ADGRD1: variants seen among roughly 807,000 people sequenced by gnomAD.
ADGRD1 encodes adhesion G protein-coupled receptor D1.
Under a neutral mutation model 113.4 loss-of-function variants are expected in ADGRD1, and 77 were observed. That is an observed-to-expected ratio of 0.68 (90% confidence interval 0.57 to 0.82). The LOEUF (loss-of-function observed/expected upper bound fraction) is 0.82. Ranked by LOEUF, ADGRD1 falls within the 40% of genes least tolerant of loss-of-function variation. The pLI is 0.00. For missense variants in ADGRD1, 1,036 were observed against 1,139.1 expected, an observed-to-expected ratio of 0.91 and a Z score of 1.30; for synonymous variants, 474 against 475.0, an observed-to-expected ratio of 1.00 and a Z score of 0.03.
At chr12:131,092,937 T>C (rs1887012224) in intron 15 of ADGRD1, among the ~76,000 whole-genome samples, 1 of 151,606 alleles carries the variant, frequency 6.6e-6, no homozygotes, top group Non-Finnish European at 1.5e-5. Context: ...ACGCTGGGCT[T>C]CCCCCTCTGG....
chr12:130,958,940 G>A lies in ADGRD1; in HGVS notation c.103+4280G>A, dbSNP rs908056844. ...GAAGCGTGTCTTTCAGACAGACCAA[G>A]CGATTTGCTCAAGGTCACAGGGCTC... is the stretch of plus-strand genomic sequence containing the variant. On this transcript the variant is annotated intron_variant, in intron 2 of 24. Transcript: ENST00000261654. Among the ~76,000 whole-genome samples the A allele has an allele frequency of 9.9e-5, 15 of 152,238 alleles. No individual in the cohort carries two copies. The East Asian group carries it at 2.5e-3, about 25-fold the overall frequency.
In ADGRD1 at chr12:131,139,415, G is replaced by A. The variant is rs1315128654; in HGVS notation, c.*152G>A. On this transcript the variant is annotated 3_prime_UTR_variant, in exon 25 of 25. Coordinates refer to ENST00000261654, the MANE Select transcript of ADGRD1 (RefSeq NM_198827.5). Reference sequence around the variant, plus strand: ...GACAGCTGTCCTCCCCTGTGACTCTGGCTGTCGGAGCACACTGCTCAGCCC... The same window carrying A: ...GACAGCTGTCCTCCCCTGTGACTCTAGCTGTCGGAGCACACTGCTCAGCCC... 3.2e-6 allele frequency: 2 copies of A among 624,284 alleles called. No homozygotes were observed. The highest frequency in any genetic ancestry group is 5.8e-6 in the Non-Finnish European group (2 of 347,016). 38.7% of individuals were successfully genotyped at this position (624,284 alleles called of 1,614,324 possible).
intron 5 of ADGRD1, among the ~76,000 whole-genome samples, chr12:130,985,104 T>C (rs76753778): frequency 6.7e-6 from 1 of 148,524 alleles, no homozygotes; most frequent in African/African-American, 2.4e-5. Context: ...CTCACTAGTT[T>C]TTTTTTTTTT....
At chr12:131,124,711 G>C (rs998550882) in intron 20 of ADGRD1, among the ~76,000 whole-genome samples, 1 of 149,404 alleles carries the variant, frequency 6.7e-6, no homozygotes, top group African/African-American at 2.4e-5. Flanking sequence ...CACACACACT[G>C]CCCACCGCCC....
chr12:131,104,481 C>G (rs1005209649), intron 15 of ADGRD1, among the ~76,000 whole-genome samples: 1 of 152,192 alleles, frequency 6.6e-6, no homozygotes, highest in African/African-American at 2.4e-5. Flanking sequence ...CCCGGGAGGT[C>G]TGGCTCTGGG....
intron 15 of ADGRD1, among the ~76,000 whole-genome samples, chr12:131,095,002 C>A (rs1171874025): frequency 2.6e-5 from 4 of 152,080 alleles, no homozygotes; most frequent in Non-Finnish European, 1.5e-5. Flanking sequence ...CTCGAGACGC[C>A]CCCTCTCAGC....
At chr12:131,105,264 G>A (rs981225798) in intron 16 of ADGRD1, among the ~76,000 whole-genome samples, 2 of 152,258 alleles carry the variant, frequency 1.3e-5, no homozygotes, top group Middle Eastern at 3.2e-3. Flanking sequence ...ATGGGGGCTG[G>A]ACAATAACCA....
At chr12:131,092,412 G>A (rs1168778637) in intron 15 of ADGRD1, among the ~76,000 whole-genome samples, 2 of 152,332 alleles carry the variant, frequency 1.3e-5, no homozygotes, top group South Asian at 2.1e-4. Flanking sequence ...TGGTCTGGTT[G>A]TCTAAGGTGG....
intron 8 of ADGRD1, among the ~76,000 whole-genome samples, chr12:130,998,425 C>A (rs549821073): frequency 6.6e-6 from 1 of 152,178 alleles, no homozygotes; most frequent in South Asian, 2.1e-4. Context: ...TTTTTGGCAT[C>A]CATTATACAA....
Position 131,057,531 on chromosome 12 carries a change from CA to C in ADGRD1, c.1474-19269del, listed in dbSNP as rs1394798210. ...GTTCTGGAGGCTCAGCGGGAACGTCCACCCCTGCCTGTCTCCTAGTAGTCCT... is the reference window on the plus strand; with the variant it reads ...GTTCTGGAGGCTCAGCGGGAACGTCCCCCCTGCCTGTCTCCTAGTAGTCCT... On this transcript the variant is annotated intron_variant, in intron 13 of 24. Transcript: ENST00000261654. The surrounding 1 kb of genome is among the most constrained non-coding windows in gnomAD (Gnocchi z 4.2). 6.6e-6 allele frequency among the ~76,000 whole-genome samples: 1 copy of C among 152,150 alleles called. No homozygotes were observed. Among genetic ancestry groups the C allele is most frequent in the Non-Finnish European group, 1.5e-5 (1 of 68,010 alleles).
intron 22 of ADGRD1, 76 bp from the exon 23 acceptor site, chr12:131,136,897 G>C: frequency 8.4e-7 from 1 of 1,194,818 alleles, no homozygotes; most frequent in Non-Finnish European, 1.3e-6. Flanking sequence ...CTCCCAGGCT[G>C]CATGGGAGGA....
intron 3 of ADGRD1, chr12:130,967,912 G>A (rs1871191432): frequency 6.6e-6 from 1 of 152,254 alleles, no homozygotes; most frequent in Admixed American, 6.5e-5. Context: ...CCTTGTGCAA[G>A]TTTGTTTCAC....
At chr12:130,955,511 A>G (rs1869449684) in intron 2 of ADGRD1, among the ~76,000 whole-genome samples, 1 of 152,174 alleles carries the variant, frequency 6.6e-6, no homozygotes, top group African/African-American at 2.4e-5. Flanking sequence ...CTTCGCTGTT[A>G]AGAGTGTGGG....
At chr12:131,017,518 C>T (rs1165422080) in intron 13 of ADGRD1, among the ~76,000 whole-genome samples, 1 of 145,468 alleles carries the variant, frequency 6.9e-6, no homozygotes, top group Admixed American at 6.8e-5. Flanking sequence ...CTACACCCAC[C>T]CAGCACAGAC....
rs774994348 is a variant in ADGRD1 at position 131,131,823 on chromosome 12, T to G, written c.2267+7T>G. ...GAGACCCCAGTGCCTTCAAGTAAGT[T>G]GACCTCAGGCTGCCAGCAGTGCCAC... On this transcript the variant is annotated splice_region_variant and intron_variant, in intron 21 of 24. Transcript: ENST00000261654. The G allele has an allele frequency of 3.1e-6, 5 of 1,592,284 alleles. No individual in the cohort carries two copies. In the Admixed American group the frequency reaches 8.3e-5, roughly 27 times the overall value.
At position 131,002,476 on chromosome 12, in the gene ADGRD1, T is replaced by C. The variant is rs1876510098; in HGVS notation, c.1027-709T>C. On this transcript the variant is annotated intron_variant, in intron 9 of 24. Transcript: ENST00000261654. ...TGTTTGTGGGAGAATGCTGAGGACT[T>C]AGCAGCAGGCAGGTGCTTCCCCAGA... 3.1e-6 allele frequency: 3 copies of C among 982,354 alleles called. No individual in the cohort carries two copies. In the African/African-American group the frequency reaches 5.3e-5, roughly 17 times the overall value. The allele number at this position is 982,354 out of a possible 1,614,324, so 60.9% of individuals were successfully genotyped here.
At chr12:131,007,563 A>T (rs527274458) in intron 12 of ADGRD1, among the ~76,000 whole-genome samples, 1 of 152,286 alleles carries the variant, frequency 6.6e-6, no homozygotes, top group African/African-American at 2.4e-5. Context: ...TGCTGTCCTC[A>T]CGGACCCAGG....
intron 9 of ADGRD1, among the ~76,000 whole-genome samples, chr12:131,001,014 A>G (rs1297595042): frequency 6.6e-6 from 1 of 152,228 alleles, no homozygotes; most frequent in Non-Finnish European, 1.5e-5. Context: ...ACATGGAAGA[A>G]GGAAATGATG....
At chr12:131,134,499 G>A (rs976414339) in intron 21 of ADGRD1, among the ~76,000 whole-genome samples, 1 of 152,230 alleles carries the variant, frequency 6.6e-6, no homozygotes, top group African/African-American at 2.4e-5. Flanking sequence ...GATCCTTTCA[G>A]ATACGGTTTC....
Sources: allele counts gnomAD v4.1 joint callset (sites outside exome capture counted in the v4.1 genomes callset), GRCh38; gene constraint gnomAD v4.1.1; non-coding constraint Gnocchi (gnomAD v3.1); transcripts MANE v1.5; gene names NCBI Gene and HGNC (gene_info 2026-07-23, HGNC 2026-07-21).